Variants in PTGER2 observed in about 807,000 individuals in gnomAD.
The protein encoded by PTGER2 is prostaglandin E receptor 2.
A neutral mutation model predicts 26.2 loss-of-function variants in PTGER2; 22 were observed. The ratio of observed to expected loss-of-function variants is 0.84; its 90% confidence interval spans 0.60 to 1.20. PTGER2 has a LOEUF of 1.20. Ranked by LOEUF, PTGER2 falls within the 50% of genes most tolerant of loss-of-function variation. The pLI is 0.00. For synonymous variants in PTGER2, 219 were observed against 208.9 expected, an observed-to-expected ratio of 1.05 and a Z score of -0.42; for missense variants, 458 against 475.2, an observed-to-expected ratio of 0.96 and a Z score of 0.34.
At chr14:52,325,273 T>C (rs560520941) in intron 1 of PTGER2, among the ~76,000 whole-genome samples, 2 of 152,276 alleles carry the variant, frequency 1.3e-5, no homozygotes, top group East Asian at 3.9e-4. Context: ...CTACAACCAA[T>C]TTTCACTTCT....
At position 52,314,343 on chromosome 14, in the gene PTGER2, C is replaced by T. The variant is rs1352455335; in HGVS notation, c.-206C>T. On this transcript the variant is annotated 5_prime_UTR_variant, in exon 1 of 2. Coordinates refer to ENST00000245457, the MANE Select transcript of PTGER2 (RefSeq NM_000956.4). This position sits in a 1 kb window ranked among gnomAD's most constrained non-coding sequence, Gnocchi z 5.7. ...AGGCGCGGGAGCCTCGAGCGCCGCTCGGATGCAGCAGCCGAGCCGCCACTC... is the reference window on the plus strand; with the variant it reads ...AGGCGCGGGAGCCTCGAGCGCCGCTTGGATGCAGCAGCCGAGCCGCCACTC... The T allele has an allele frequency of 4.1e-6, 2 of 491,656 alleles. No homozygotes were observed. The highest frequency in any genetic ancestry group is 4.0e-5 in the African/African-American group (2 of 49,928). 30.5% of individuals were successfully genotyped at this position (491,656 alleles called of 1,614,324 possible).
chr14:52,327,045 G>C (rs928403615), intron 1 of PTGER2, among the ~76,000 whole-genome samples, 176 bp from the exon 2 acceptor site: 1 of 152,088 alleles, frequency 6.6e-6, no homozygotes, highest in African/African-American at 2.4e-5. Flanking sequence ...CATTCATTAT[G>C]TTACAGTTTA....
Position 52,327,403 on chromosome 14 carries a change from A to G in PTGER2, c.1026A>G (p.Thr342=). ...CRISLRTQDA[T]QTSCSTQSDA... is the part of the protein sequence containing the mutation. ...TTTCATTAAGAACACAAGATGCAAC[A>G]CAAACTTCCTGTTCTACACAGTCAG... The change falls in exon 2 of 2, where the codon ACA becomes ACG. Residue 342 remains threonine, a synonymous_variant. Transcript: ENST00000245457. 6.2e-7 allele frequency: 1 copy of G among 1,613,752 alleles called. No individual in the cohort carries two copies. The highest frequency in any genetic ancestry group is 8.5e-7 in the Non-Finnish European group (1 of 1,179,746).
Position 52,314,596 on chromosome 14 carries a change from A to G in PTGER2, c.48A>G (p.Arg16=). Reference sequence around the variant, plus strand: ...CCCAGTCTGAGGACTGCGAGACGCGACAGTGGCTTCCCCCAGGCGAAAGCC... The same window carrying G: ...CCCAGTCTGAGGACTGCGAGACGCGGCAGTGGCTTCCCCCAGGCGAAAGCC... ...NDSQSEDCET[R]QWLPPGESPA... Residue 16 remains arginine (R), a synonymous_variant, in exon 1 of 2, where the codon CGA becomes CGG. Coordinates refer to ENST00000245457, the MANE Select transcript of PTGER2 (RefSeq NM_000956.4). This position sits in a 1 kb window ranked among gnomAD's most constrained non-coding sequence, Gnocchi z 5.7. The G allele has an allele frequency of 1.3e-6, 2 of 1,509,792 alleles. No individual in the cohort carries two copies. The highest frequency in any genetic ancestry group is 1.8e-6 in the Non-Finnish European group (2 of 1,128,728). The allele number at this position is 1,509,792 out of a possible 1,614,324, so 93.5% of individuals were successfully genotyped here. A position where few individuals can be genotyped will look rare whatever the true frequency, so the allele number is the denominator to read the frequency against.
intron 1 of PTGER2, among the ~76,000 whole-genome samples, chr14:52,323,783 G>T (rs2033922230): frequency 6.6e-6 from 1 of 152,144 alleles, no homozygotes; most frequent in Non-Finnish European, 1.5e-5. Context: ...TCACAACAAG[G>T]CTTTACCTTC....
chr14:52,327,160 C>A, intron 1 of PTGER2, 61 bp from the exon 2 acceptor site: 1 of 1,247,956 alleles, frequency 8.0e-7, no homozygotes, highest in Non-Finnish European at 1.1e-6. Context: ...AACATAGGGT[C>A]TAAGCCTGTC....
chr14:52,326,749 C>T (rs796684), intron 1 of PTGER2, among the ~76,000 whole-genome samples: 142,937 of 152,264 alleles, frequency 0.94, 67,511 homozygotes, highest in Non-Finnish European at 1. Context: ...GTTCACTTCC[C>T]TATCTGTTAA....
In PTGER2 at chr14:52,315,407, C is replaced by T. The variant is rs376686943; in HGVS notation, c.843+16C>T. Reference sequence around the variant, plus strand: ...GCCTTTCACGGTAAGTCACTCCCTACGTTTCCACAGCCCGGCTCTGCTCAG... The same window carrying T: ...GCCTTTCACGGTAAGTCACTCCCTATGTTTCCACAGCCCGGCTCTGCTCAG... On this transcript the variant is annotated intron_variant, in intron 1 of 1. Transcript: ENST00000245457. 141 of 1,610,548 alleles carry T rather than the reference C, an allele frequency of 8.8e-5. No homozygotes were observed. Among genetic ancestry groups the T allele is most frequent in the Non-Finnish European group, 1.1e-4 (135 of 1,179,854 alleles).
In PTGER2 at chr14:52,315,390, CG is replaced by C; in HGVS notation, c.843+1del. On this transcript the variant is annotated frameshift_variant and splice_region_variant, in exon 1 of 2. Transcript: ENST00000245457. LOFTEE classifies it high-confidence loss of function. Reference protein sequence around the residue: ...ITFAVCSLPFTIFAYMNETSS... With the variant: ...ITFAVCSLPFXIFAYMNETSS... ...TTCGCCGTCTGCTCCTTGCCTTTCA[CG>C]GTAAGTCACTCCCTACGTTTCCACA... 6.2e-7 allele frequency: 1 copy of C among 1,612,406 alleles called. No individual in the cohort carries two copies. Among genetic ancestry groups the C allele is most frequent in the East Asian group, 2.2e-5 (1 of 44,834 alleles).
At chr14:52,322,111 C>T (rs926918147) in intron 1 of PTGER2, among the ~76,000 whole-genome samples, 1 of 152,102 alleles carries the variant, frequency 6.6e-6, no homozygotes, top group Non-Finnish European at 1.5e-5. Flanking sequence ...GGGAACTCAC[C>T]CCCAATATTT....
rs779032172 is a variant in PTGER2 at position 52,327,364 on chromosome 14, C to T, written c.987C>T (p.Val329=). 2.5e-6 allele frequency: 4 copies of T among 1,613,506 alleles called. No individual in the cohort carries two copies. Among genetic ancestry groups the T allele is most frequent in the Admixed American group, 3.3e-5 (2 of 59,998 alleles). Residue 329 remains valine, a synonymous_variant, in exon 2 of 2, where the codon GTC becomes GTT. Coordinates refer to ENST00000245457, the MANE Select transcript of PTGER2 (RefSeq NM_000956.4). ...RPPVLRLMRS[V]LCCRISLRTQ... is the part of the protein sequence containing the mutation. ...CTGTTCTGAGACTAATGCGTTCAGT[C>T]CTCTGTTGTCGGATTTCATTAAGAA...
intron 1 of PTGER2, among the ~76,000 whole-genome samples, chr14:52,326,116 T>G (rs1272910803): frequency 2.0e-5 from 3 of 152,236 alleles, no homozygotes; most frequent in Non-Finnish European, 2.9e-5. Flanking sequence ...ATTCCATTCC[T>G]TCCAACCTGC....
chr14:52,325,205 A>G (rs1459166110), intron 1 of PTGER2, among the ~76,000 whole-genome samples: 1 of 116,616 alleles, frequency 8.6e-6, no homozygotes, highest in Non-Finnish European at 1.8e-5. Context: ...CAATTCTCAA[A>G]ATTACCCAGC....
intron 1 of PTGER2, among the ~76,000 whole-genome samples, chr14:52,320,563 G>C (rs1219854823): frequency 1.3e-5 from 2 of 152,148 alleles, no homozygotes; most frequent in Non-Finnish European, 2.9e-5. Flanking sequence ...GGAAGGCAAT[G>C]AACAGGTCTC....
chr14:52,325,153 C>A (rs1303412339), intron 1 of PTGER2, among the ~76,000 whole-genome samples: 2 of 152,026 alleles, frequency 1.3e-5, no homozygotes, highest in African/African-American at 4.8e-5. Flanking sequence ...AAAAAGCCGT[C>A]TTCTACAAAA....
chr14:52,318,086 C>T (rs1312936484), intron 1 of PTGER2, among the ~76,000 whole-genome samples: 1 of 152,200 alleles, frequency 6.6e-6, no homozygotes, highest in Non-Finnish European at 1.5e-5. Flanking sequence ...GTTCAGAATC[C>T]TTGGCATGTG....
chr14:52,314,971 C>G lies in PTGER2; in HGVS notation c.423C>G (p.Pro141=), dbSNP rs1171953742. 3 of 1,613,232 alleles carry G rather than the reference C, an allele frequency of 1.9e-6. No individual in the cohort carries two copies. The highest frequency in any genetic ancestry group is 2.5e-6 in the Non-Finnish European group (3 of 1,180,006). The change falls in exon 1 of 2, where the codon CCC becomes CCG. Residue 141 remains proline (P), a synonymous_variant. Coordinates refer to ENST00000245457, the MANE Select transcript of PTGER2 (RefSeq NM_000956.4). This position sits in a 1 kb window ranked among gnomAD's most constrained non-coding sequence, Gnocchi z 5.7. ...ALERYLSIGH[P]YFYQRRVSRS... ...AGCGCTACCTCTCGATCGGGCACCC[C>G]TACTTCTACCAGCGCCGCGTCTCGC...
rs1253366391 is a variant in PTGER2 at position 52,328,057 on chromosome 14, G to A, written c.*603G>A. On this transcript the variant is annotated 3_prime_UTR_variant, in exon 2 of 2. Coordinates refer to ENST00000245457, the MANE Select transcript of PTGER2 (RefSeq NM_000956.4). Reference sequence around the variant, plus strand: ...GAGTGGACTCAGTGGGTTAACATCAGTTTTGTTTACTCATCCTCCAGGAAC... The same window carrying A: ...GAGTGGACTCAGTGGGTTAACATCAATTTTGTTTACTCATCCTCCAGGAAC... 6.6e-6 allele frequency: 1 copy of A among 152,522 alleles called. No homozygotes were observed. The highest frequency in any genetic ancestry group is 2.4e-5 in the African/African-American group (1 of 41,442). The allele number at this position is 152,522 out of a possible 1,614,324, so 9.4% of individuals were successfully genotyped here.
At chr14:52,324,373 G>A (rs1423788994) in intron 1 of PTGER2, among the ~76,000 whole-genome samples, 3 of 152,252 alleles carry the variant, frequency 2.0e-5, no homozygotes, top group African/African-American at 7.2e-5. Context: ...CTAAGCTATA[G>A]GGGTGGTCCC....
Sources: allele counts gnomAD v4.1 joint callset (sites outside exome capture counted in the v4.1 genomes callset), GRCh38; gene constraint gnomAD v4.1.1; non-coding constraint Gnocchi (gnomAD v3.1); transcripts MANE v1.5; gene names NCBI Gene and HGNC (gene_info 2026-07-23, HGNC 2026-07-21).